Variants in FCHSD2 observed in about 807,000 individuals in gnomAD.
The protein encoded by FCHSD2 is FCH and double SH3 domains 2, also known as F-BAR and double SH3 domains protein 2.
FCHSD2 carries 38 observed loss-of-function variants against 108.1 expected under a neutral mutation model. The observed-to-expected ratio is 0.35, with a 90% CI of 0.27 to 0.46. The LOEUF (loss-of-function observed/expected upper bound fraction) is 0.46. Ranked by LOEUF, FCHSD2 falls within the 20% of genes least tolerant of loss-of-function variation. FCHSD2 has a pLI of 1.00. For missense variants in FCHSD2, 751 were observed against 897.8 expected, an observed-to-expected ratio of 0.84 and a Z score of 2.09; for synonymous variants, 279 against 314.7, an observed-to-expected ratio of 0.89 and a Z score of 1.20.
At chr11:72,979,110 G>A (rs552717171) in intron 8 of FCHSD2, among the ~76,000 whole-genome samples, 34 of 152,062 alleles carry the variant, frequency 2.2e-4, no homozygotes, top group African/African-American at 8.2e-4. Context: ...TGCCCACCTC[G>A]GCCTCCCAAG....
Position 72,889,690 on chromosome 11 carries a change from G to T in FCHSD2, c.1041+139C>A, listed in dbSNP as rs556580983. ...TTCACACCACTGCCCTTCAACCTGG[G>T]TGACAGAGCAAGCCTCTTGTCTCAA... On this transcript the variant is annotated intron_variant, in intron 11 of 19. Coordinates refer to ENST00000409418, the MANE Select transcript of FCHSD2 (RefSeq NM_014824.3). The T allele has an allele frequency of 1.2e-4, 73 of 593,008 alleles. 1 individual carries two copies. In the South Asian group the frequency reaches 1.5e-3, roughly 12 times the overall value. The allele number at this position is 593,008 out of a possible 1,614,324, so 36.7% of individuals were successfully genotyped here.
intron 8 of FCHSD2, among the ~76,000 whole-genome samples, chr11:72,957,025 T>G (rs1856724770): frequency 6.6e-6 from 1 of 151,946 alleles, no homozygotes; most frequent in Admixed American, 6.6e-5. Flanking sequence ...TAGTCTTTTT[T>G]TTTTTTTCTT....
intron 2 of FCHSD2, among the ~76,000 whole-genome samples, 177 bp downstream of exon 2, chr11:73,139,854 G>A (rs1216939781): frequency 6.6e-6 from 1 of 152,152 alleles, no homozygotes; most frequent in African/African-American, 2.4e-5. Context: ...CCCCACTGAA[G>A]GAAAAAGTTT....
intron 3 of FCHSD2, among the ~76,000 whole-genome samples, chr11:73,021,644 C>A (rs1345698064): frequency 1.3e-5 from 2 of 151,996 alleles, no homozygotes; most frequent in South Asian, 4.2e-4. Flanking sequence ...ATAATCTGTA[C>A]AACAAACCCC....
At position 72,902,627 on chromosome 11, in the gene FCHSD2, G is replaced by T; in HGVS notation, c.840C>A (p.Asp280Glu). 1 of 1,570,026 alleles carries T rather than the reference G, an allele frequency of 6.4e-7. No homozygotes were observed. The highest frequency in any genetic ancestry group is 8.7e-7 in the Non-Finnish European group (1 of 1,155,846). The change falls in exon 10 of 20, where the codon GAC (aspartate) becomes GAA (glutamate). Residue 280 changes from aspartate to glutamate, a missense_variant. Transcript: ENST00000409418. ...CTTGCAAAAACAGCTGAAGATTGTA[G>T]TCCCGGACCACCTAAAGAGAAAATA... Reference protein sequence around the residue: ...LLENSSKVVRDYNLQLFLQEN... With the variant: ...LLENSSKVVREYNLQLFLQEN...
chr11:72,889,857 T>C lies in FCHSD2; in HGVS notation c.1013A>G (p.Glu338Gly), dbSNP rs1202645619. 1 of 1,611,740 alleles carries C rather than the reference T, an allele frequency of 6.2e-7. No homozygotes were observed. Among genetic ancestry groups the C allele is most frequent in the Non-Finnish European group, 8.5e-7 (1 of 1,177,810 alleles). Residue 338 changes from glutamate to glycine, a missense_variant, in exon 11 of 20, where the codon GAG becomes GGG. Transcript: ENST00000409418. ...ARKWATRVAR[E>G]HKNIVHQQRV... ...TTGTTGGTGAACAATGTTTTTATGC[T>C]CACGTGCCACACGTGTGGCCCATTT...
intron 11 of FCHSD2, 76 bp downstream of exon 11, chr11:72,889,753 T>C: frequency 1.2e-6 from 1 of 801,644 alleles, no homozygotes; most frequent in Non-Finnish European, 2.1e-6. Context: ...TTTTTCACAT[T>C]AATAAAACTC....
intron 2 of FCHSD2, among the ~76,000 whole-genome samples, chr11:73,132,359 G>A (rs1294059125): frequency 6.6e-6 from 1 of 152,116 alleles, no homozygotes; most frequent in Non-Finnish European, 1.5e-5. Flanking sequence ...AAGCAAAAAG[G>A]TCAATATTAA....
chr11:72,890,667 T>C (rs1275470092), intron 10 of FCHSD2, among the ~76,000 whole-genome samples: 1 of 151,954 alleles, frequency 6.6e-6, no homozygotes, highest in Non-Finnish European at 1.5e-5. Flanking sequence ...AAGTGCTTCA[T>C]ATAACTTTTT....
In FCHSD2 at chr11:73,103,411, T is replaced by C. The variant is rs570890950; in HGVS notation, c.120-19671A>G. On this transcript the variant is annotated intron_variant, in intron 2 of 19. Coordinates refer to ENST00000409418, the MANE Select transcript of FCHSD2 (RefSeq NM_014824.3). ...AAAACTTAACCTGCTTCCATTTTTA[T>C]AAGATTTAATTAGACTTAGTTTAGG... 2.0e-5 allele frequency among the ~76,000 whole-genome samples: 3 copies of C among 152,346 alleles called. No homozygotes were observed. In the South Asian group the frequency reaches 6.2e-4, roughly 32 times the overall value.
At chr11:73,045,564 T>C (rs1858742160) in intron 3 of FCHSD2, among the ~76,000 whole-genome samples, 2 of 151,284 alleles carry the variant, frequency 1.3e-5, no homozygotes, top group African/African-American at 4.9e-5. Flanking sequence ...GTGGCACATA[T>C]ACACCATGGA....
intron 3 of FCHSD2, among the ~76,000 whole-genome samples, chr11:73,059,654 C>T (rs1029153853): frequency 1.3e-5 from 2 of 152,032 alleles, no homozygotes; most frequent in African/African-American, 4.8e-5. Flanking sequence ...ATCCTGGTAC[C>T]AAATGAAGTC....
chr11:72,981,565 T>C (rs553247110), intron 8 of FCHSD2, among the ~76,000 whole-genome samples: 6 of 152,322 alleles, frequency 3.9e-5, no homozygotes, highest in Admixed American at 3.9e-4. Flanking sequence ...TAGACATATA[T>C]AGAATATAGT....
chr11:72,863,191 T>C, intron 13 of FCHSD2, among the ~76,000 whole-genome samples: 1 of 152,076 alleles, frequency 6.6e-6, no homozygotes, highest in East Asian at 1.9e-4. Context: ...CAGCCCAATG[T>C]GTTGGGATTA....
At position 72,909,440 on chromosome 11, in the gene FCHSD2, C is replaced by T. The variant is rs184558868; in HGVS notation, c.829-6802G>A. Among the ~76,000 whole-genome samples the T allele has an allele frequency of 7.2e-3, 1,098 of 152,372 alleles. 5 individuals are homozygous for T. The highest frequency in any genetic ancestry group is 0.011 in the Non-Finnish European group (769 of 68,036). Reference sequence around the variant, plus strand: ...CCTCCAAAAGTGCTAAGATTACAGCCTCTGCCCAGCCGCCACCCCATCTAG... The same window carrying T: ...CCTCCAAAAGTGCTAAGATTACAGCTTCTGCCCAGCCGCCACCCCATCTAG... On this transcript the variant is annotated intron_variant, in intron 9 of 19. Coordinates refer to ENST00000409418, the MANE Select transcript of FCHSD2 (RefSeq NM_014824.3).
chr11:73,135,564 G>A (rs1346424461), intron 2 of FCHSD2, among the ~76,000 whole-genome samples: 1 of 152,112 alleles, frequency 6.6e-6, no homozygotes, highest in East Asian at 1.9e-4. Context: ...CTTATTGTAA[G>A]TGGTCTTAAA....
At chr11:73,087,332 A>G (rs939111031) in intron 2 of FCHSD2, among the ~76,000 whole-genome samples, 1 of 152,204 alleles carries the variant, frequency 6.6e-6, no homozygotes, top group African/African-American at 2.4e-5. Flanking sequence ...AAAAGTCAAA[A>G]AAGTTTTTTT....
At chr11:72,896,334 T>C (rs1855417104) in intron 10 of FCHSD2, among the ~76,000 whole-genome samples, 1 of 152,220 alleles carries the variant, frequency 6.6e-6, no homozygotes. Flanking sequence ...CCTGCCTGTA[T>C]AGATCATACT....
intron 8 of FCHSD2, among the ~76,000 whole-genome samples, chr11:72,980,673 GTGTATATA>G (rs1478193769): frequency 1.5e-4 from 14 of 93,932 alleles, no homozygotes; most frequent in African/African-American, 5.1e-4. Flanking sequence ...ATGTGTGTGT[GTGTATATA>G]TATATATATA....
Sources: gnomAD v4.1 joint callset for allele counts (sites outside exome capture counted in the v4.1 genomes callset) on GRCh38, gnomAD v4.1.1 for gene constraint, MANE v1.5 for transcripts, NCBI Gene and HGNC (gene_info 2026-07-23, HGNC 2026-07-21) for gene names.